Variants in NBN observed in about 807,000 individuals in gnomAD.
The protein encoded by NBN is nibrin.
In NBN, 88 loss-of-function variants were observed where a neutral mutation model predicts 90.8. The ratio of observed to expected loss-of-function variants is 0.97; its 90% CI spans 0.82 to 1.16. The LOEUF (loss-of-function observed/expected upper bound fraction) is 1.16, where lower values mean the gene tolerates loss of function less well. Among genes scored for constraint, NBN ranks in the 50% most tolerant of loss-of-function variants. The pLI, the probability that NBN is intolerant of heterozygous loss-of-function variation, is 0.00. For missense variants in NBN, 894 were observed against 869.6 expected (o/e 1.03, Z -0.35); for synonymous variants, 328 against 295.1 (o/e 1.11, Z -1.14).
chr8:89,951,553 C>T (rs1810451042), intron 11 of NBN, among the ~76,000 whole-genome samples: 1 of 152,082 alleles, frequency 6.6e-6, no homozygotes, highest in Non-Finnish European at 1.5e-5. Context: ...ATAATACCAA[C>T]AGAATAAAGA....
rs116018288 is a variant in NBN at position 89,946,696 on chromosome 8, A to G, written c.1915-401T>C. ...CTGAGATTATAATATATCCTGTTCT[A>G]CAGGTCCTCATCTACTTTTCTTAAA... On this transcript the variant is annotated intron_variant, in intron 12 of 15. Transcript: ENST00000265433. 3.7e-3 allele frequency: 693 copies of G among 186,120 alleles called. 8 individuals are homozygous for G. The highest frequency in any genetic ancestry group is 0.016 in the African/African-American group (660 of 41,854). The allele number at this position is 186,120 out of a possible 1,614,324, so 11.5% of individuals were successfully genotyped here. A position where few individuals can be genotyped will look rare whatever the true frequency, so the allele number is the denominator to read the frequency against.
At chr8:89,978,786 A>T (rs1811898831) in intron 4 of NBN, among the ~76,000 whole-genome samples, 2 of 152,244 alleles carry the variant, frequency 1.3e-5, no homozygotes, top group East Asian at 3.8e-4. Context: ...TATGCAATAA[A>T]GCCTTTTTGA....
At chr8:89,944,068 C>G (rs1810075526) in intron 13 of NBN, among the ~76,000 whole-genome samples, 1 of 151,974 alleles carries the variant, frequency 6.6e-6, no homozygotes, top group African/African-American at 2.4e-5. Context: ...TTAAAAAACG[C>G]TATGTCATTG....
At position 89,945,021 on chromosome 8, in the gene NBN, A is replaced by C. The variant is rs534466033; in HGVS notation, c.2070+1119T>G. ...TGGTTAAGGATAGCAGTATTTTTAA[A>C]CATTTTAAGTATTTCCAAACCACTT... On this transcript the variant is annotated intron_variant, in intron 13 of 15. Coordinates refer to ENST00000265433, the MANE Select transcript of NBN (RefSeq NM_002485.5). Among the ~76,000 whole-genome samples the C allele has an allele frequency of 2.0e-5, 3 of 152,322 alleles. No homozygotes were observed. In the East Asian group the frequency reaches 5.8e-4, roughly 29 times the overall value.
At chr8:89,949,622 T>C (rs1810349106) in intron 11 of NBN, among the ~76,000 whole-genome samples, 1 of 152,164 alleles carries the variant, frequency 6.6e-6, no homozygotes, top group Admixed American at 6.5e-5. Flanking sequence ...GCTAATAGTT[T>C]TCCATTTCAG....
In NBN at chr8:89,953,556, A is replaced by G. The variant is rs587780776; in HGVS notation, c.1533T>C (p.Asn511=). ...TGTCTGAGTTTGTGTCCACAGGCTC[A>G]TTCTCAGATAGATGCTGCTCCTTAT... The part of the protein sequence containing the change: ...WKNKEQHLSE[N]EPVDTNSDNN... Residue 511 remains asparagine (N), a synonymous_variant, in exon 11 of 16, where the codon AAT becomes AAC. Coordinates refer to ENST00000265433, the MANE Select transcript of NBN (RefSeq NM_002485.5). 3 of 1,613,882 alleles carry G rather than the reference A, an allele frequency of 1.9e-6. No homozygotes were observed. The highest frequency in any genetic ancestry group is 1.7e-5 in the Admixed American group (1 of 60,012).
intron 7 of NBN, among the ~76,000 whole-genome samples, chr8:89,964,916 C>A (rs917964803): frequency 6.6e-6 from 1 of 152,050 alleles, no homozygotes. Flanking sequence ...GAGTTTGAGA[C>A]CAGCCTGGCC....
chr8:89,956,984 C>T (rs1163304161), intron 9 of NBN, among the ~76,000 whole-genome samples: 1 of 152,122 alleles, frequency 6.6e-6, no homozygotes, highest in Non-Finnish European at 1.5e-5. Context: ...AAGTATAGCA[C>T]AACAGCACAT....
rs931069359 is a variant in NBN, at chr8:89,935,303, T to A, written c.*279A>T. ...GGAAGGGTGACTTTAGTCTTTACCT[T>A]ACGTACATTTAGAATTTTGAACTGT... is the stretch of plus-strand genomic sequence containing the variant. On this transcript the variant is annotated 3_prime_UTR_variant, in exon 16 of 16. Transcript: ENST00000265433. 11 of 380,012 alleles carry A rather than the reference T, an allele frequency of 2.9e-5. No homozygotes were observed. The highest frequency in any genetic ancestry group is 2.3e-4 in the African/African-American group (11 of 48,792). 23.5% of individuals were successfully genotyped at this position (380,012 alleles called of 1,614,324 possible).
At chr8:89,939,256 AC>A (rs1159900169) in intron 14 of NBN, among the ~76,000 whole-genome samples, 7 of 109,374 alleles carry the variant, frequency 6.4e-5, no homozygotes, top group African/African-American at 4.5e-4. Context: ...GCTGCAGCAA[AC>A]AGGGAAATGA....
At chr8:89,982,952 GAC>G in intron 1 of NBN, 97 bp from the exon 2 acceptor site, 1 of 1,258,952 alleles carries the variant, frequency 7.9e-7, no homozygotes, top group Admixed American at 1.9e-5. Flanking sequence ...ATATAGGTAT[GAC>G]AAATATTAAA....
chr8:89,974,251 C>CTTTTTTT (rs905605538), intron 5 of NBN, among the ~76,000 whole-genome samples: 1 of 106,502 alleles, frequency 9.4e-6, no homozygotes, highest in East Asian at 2.7e-4. Context: ...TACTATATGG[C>CTTTTTTT]TTTTTTTTTT....
At chr8:89,940,539 T>TA (rs147768308) in intron 14 of NBN, among the ~76,000 whole-genome samples, 3,154 of 151,864 alleles carry the variant, frequency 0.021, 105 homozygotes, top group African/African-American at 0.071. Flanking sequence ...TATGATCCTT[T>TA]ATGTAGCAAA....
In NBN at chr8:89,947,810, A is replaced by C; in HGVS notation, c.1914+14T>G. On this transcript the variant is annotated intron_variant, in intron 12 of 15. Transcript: ENST00000265433. ...AAGCCAAATCTGTATAAAAATTAAT[A>C]AAACGTTTCTCACAGATATTTCTTT... 1 of 1,503,984 alleles carries C rather than the reference A, an allele frequency of 6.6e-7. No individual in the cohort carries two copies. The highest frequency in any genetic ancestry group is 1.2e-5 in the South Asian group (1 of 86,268). 93.2% of individuals were successfully genotyped at this position (1,503,984 alleles called of 1,614,324 possible).
chr8:89,937,121 T>C (rs1809729015), intron 14 of NBN, 46 bp from the exon 15 acceptor site: 1 of 1,572,060 alleles, frequency 6.4e-7, no homozygotes, highest in African/African-American at 1.3e-5. Context: ...GTGGTGAATA[T>C]ATAGTTAATG....
At chr8:89,971,409 T>G in intron 5 of NBN, 119 bp from the exon 6 acceptor site, 1 of 1,190,056 alleles carries the variant, frequency 8.4e-7, no homozygotes, top group South Asian at 1.7e-5. Flanking sequence ...TTATAGTATT[T>G]TTTTTAAGTA....
rs1320370137 is a variant in NBN, at chr8:89,945,058, A to T, written c.2070+1082T>A. On this transcript the variant is annotated intron_variant, in intron 13 of 15. Transcript: ENST00000265433. The stretch of plus-strand genomic sequence containing the variant: ...TTTCCAAACCACTTTCCAGAGATTC[A>T]TATTACTTCATACTTCTTCAGTTGT... 9.2e-5 allele frequency among the ~76,000 whole-genome samples: 14 copies of T among 152,348 alleles called. No homozygotes were observed. In the East Asian group the frequency reaches 2.7e-3, roughly 29 times the overall value.
chr8:89,953,710 G>A lies in NBN; in HGVS notation c.1398-19C>T, dbSNP rs201495716. 403 of 1,577,402 alleles carry A rather than the reference G, an allele frequency of 2.6e-4. 1 individual carries two copies. In the African/African-American group the frequency reaches 4.6e-3, roughly 18 times the overall value. ...CCTTTCCCTTAGATTTAAAAAAAAA[G>A]AAGAAAACAAAACAAGAAAATGAAC... On this transcript the variant is annotated intron_variant, in intron 10 of 15. Coordinates refer to ENST00000265433, the MANE Select transcript of NBN (RefSeq NM_002485.5).
At chr8:89,974,815 G>C (rs1330320297) in intron 5 of NBN, among the ~76,000 whole-genome samples, 2 of 152,206 alleles carry the variant, frequency 1.3e-5, no homozygotes, top group Non-Finnish European at 2.9e-5. Context: ...TCTGTGTAAA[G>C]GAGGGTCAAG....
Sources: gnomAD v4.1 joint callset for allele counts (sites outside exome capture counted in the v4.1 genomes callset) on GRCh38, gnomAD v4.1.1 for gene constraint, MANE v1.5 for transcripts, NCBI Gene and HGNC (gene_info 2026-07-23, HGNC 2026-07-21) for gene names.